The following ACY1 variants were observed in gnomAD, a reference collection of about 807,000 sequenced individuals.
ACY1 encodes aminoacylase-1.
A neutral mutation model predicts 53.3 loss-of-function variants in ACY1; 38 were observed. The ratio of observed to expected loss-of-function variants is 0.71; its 90% CI spans 0.55 to 0.93. The LOEUF is 0.93. ACY1 is among the 40% of genes least tolerant of loss of function. The probability of loss-of-function intolerance (pLI) is 0.00; values close to 1 mark genes in which losing one functional copy is unlikely to be tolerated. For missense variants in ACY1, 484 were observed against 540.9 expected (o/e 0.89, Z 1.04); for synonymous variants, 177 against 202.1 (o/e 0.88, Z 1.05).
At chr3:51,986,197 T>C in intron 5 of ACY1, 58 bp from the exon 6 acceptor site, 1 of 1,568,556 alleles carries the variant, frequency 6.4e-7, no homozygotes, top group Non-Finnish European at 8.7e-7. Flanking sequence ...TGGCCCTGCC[T>C]GTGGGGCCAG....
intron 4 of ACY1, 64 bp from the exon 5 acceptor site, chr3:51,985,788 T>C (rs912750932): frequency 1.6e-5 from 23 of 1,412,362 alleles, no homozygotes; most frequent in Non-Finnish European, 2.2e-5. Context: ...AGGGCCACTG[T>C]TGACCAGAGT....
chr3:51,984,267 C>T, intron 2 of ACY1, 109 bp downstream of exon 2: 2 of 1,012,800 alleles, frequency 2.0e-6, no homozygotes, highest in Non-Finnish European at 3.0e-6. Flanking sequence ...TCTGCTGTCC[C>T]AAATGGCTCC....
rs1162771077 is a variant in ACY1 at position 51,988,830 on chromosome 3, A to G, written c.1062+4A>G. Reference sequence around the variant, plus strand: ...TGACAACCGCTATATCCGCGCGGTGAGCCACTTGCATATAGTGCCTGGGCA... The same window carrying G: ...TGACAACCGCTATATCCGCGCGGTGGGCCACTTGCATATAGTGCCTGGGCA... On this transcript the variant is annotated splice_donor_region_variant and intron_variant, in intron 14 of 14. Transcript: ENST00000636358. 3 of 1,614,036 alleles carry G rather than the reference A, an allele frequency of 1.9e-6. No homozygotes were observed. Among genetic ancestry groups the G allele is most frequent in the Non-Finnish European group, 2.5e-6 (3 of 1,180,040 alleles).
Position 51,985,932 on chromosome 3 carries a change from G to A in ACY1, c.345G>A (p.Lys115=). The stretch of plus-strand genomic sequence containing the variant: ...ATGCCAGGGGTGCCCAGGACATGAA[G>A]TGCGTCAGCATCCAGTGAGTGTCCT... ...YIYARGAQDM[K]CVSIQYLEAV... is the part of the protein sequence containing the mutation. The change falls in exon 5 of 15, where the codon AAG becomes AAA. Residue 115 remains lysine (K), a synonymous_variant. Transcript: ENST00000636358. The A allele has an allele frequency of 6.2e-7, 1 of 1,612,174 alleles. No individual in the cohort carries two copies. Among genetic ancestry groups the A allele is most frequent in the South Asian group, 1.1e-5 (1 of 90,500 alleles).
intron 1 of ACY1, 101 bp downstream of exon 1, chr3:51,983,690 T>G (rs1700961469): frequency 3.4e-6 from 1 of 293,286 alleles, no homozygotes; most frequent in Non-Finnish European, 6.4e-6. Context: ...TTTGTTTTTG[T>G]TTTTGCCTTT....
In ACY1 at chr3:51,984,083, G is replaced by C. The variant is rs953420417; in HGVS notation, c.19G>C (p.Glu7Gln). 6.2e-7 allele frequency: 1 copy of C among 1,613,488 alleles called. No individual in the cohort carries two copies. Among genetic ancestry groups the C allele is most frequent in the Admixed American group, 1.7e-5 (1 of 60,006 alleles). MTSKGPEEEHPSVTLFR... is the reference protein window; with the variant it reads MTSKGPQEEHPSVTLFR... ...CAGCGCCATGACCAGCAAGGGTCCC[G>C]AGGAGGAGCACCCATCGGTGACGCT... The change falls in exon 2 of 15, where the codon GAG becomes CAG. Residue 7 changes from glutamate to glutamine, a missense_variant. Glu to Gln is a conservative substitution (Grantham distance 29, BLOSUM62 2). Transcript: ENST00000636358.
At chr3:51,984,235 CT>C in intron 2 of ACY1, 77 bp downstream of exon 2, 1 of 1,374,400 alleles carries the variant, frequency 7.3e-7, no homozygotes, top group Non-Finnish European at 1.0e-6. Flanking sequence ...CCTCCAACCC[CT>C]GTCACCCAGC....
At position 51,985,779 on chromosome 3, in the gene ACY1, G is replaced by C. The variant is rs552931654; in HGVS notation, c.265-73G>C. 23 of 1,307,388 alleles carry C rather than the reference G, an allele frequency of 1.8e-5. No individual in the cohort carries two copies. In the African/African-American group the frequency reaches 2.3e-4, roughly 13 times the overall value. The allele number at this position is 1,307,388 out of a possible 1,614,324, so 81.0% of individuals were successfully genotyped here. A position where few individuals can be genotyped will look rare whatever the true frequency, so the allele number is the denominator to read the frequency against. On this transcript the variant is annotated intron_variant, in intron 4 of 14. Transcript: ENST00000636358. ...AACCCTATGGTGGGCTCCTAGGGCA[G>C]GGCCACTGTTGACCAGAGTGGATTA... is the stretch of plus-strand genomic sequence containing the variant.
chr3:51,985,055 T>G (rs1460292198), intron 2 of ACY1, 152 bp from the exon 3 acceptor site: 2 of 807,016 alleles, frequency 2.5e-6, no homozygotes, highest in Non-Finnish European at 4.2e-6. Context: ...ATCTTCTTTC[T>G]TGGGGATGGA....
intron 11 of ACY1, 42 bp from the exon 12 acceptor site, chr3:51,987,514 C>T: frequency 1.2e-6 from 2 of 1,613,990 alleles, no homozygotes; most frequent in Non-Finnish European, 1.7e-6. Context: ...TCCTAGAGGC[C>T]TCTGGAAAGC....
At chr3:51,987,788 G>GTGGCCAC (rs1199698530) in intron 12 of ACY1, 164 bp downstream of exon 12, 1 of 765,102 alleles carries the variant, frequency 1.3e-6, no homozygotes, top group African/African-American at 1.7e-5. Context: ...GCCACTGTGG[G>GTGGCCAC]TGCTGGGGAA....
At chr3:51,987,760 C>T in intron 12 of ACY1, 136 bp downstream of exon 12, 1 of 1,006,796 alleles carries the variant, frequency 9.9e-7, no homozygotes, top group Non-Finnish European at 1.5e-6. Context: ...TTTATTCCAA[C>T]AAGCATTCAT....
Position 51,987,062 on chromosome 3 carries a change from G to C in ACY1, c.657+1G>C, listed in dbSNP as rs1202365870. The stretch of plus-strand genomic sequence containing the variant: ...GGAGGACACAGCAGCAGAGAAGCTG[G>C]TACGTGGCACCCCAGGAGGGAGTCT... On this transcript the variant is annotated splice_donor_variant, in intron 9 of 14. Coordinates refer to ENST00000636358, the MANE Select transcript of ACY1 (RefSeq NM_000666.3). LOFTEE classifies it high-confidence loss of function. 2.5e-6 allele frequency: 4 copies of C among 1,614,004 alleles called. No homozygotes were observed. The highest frequency in any genetic ancestry group is 2.2e-5 in the South Asian group (2 of 91,078).
chr3:51,988,644 ACTC>A (rs1242860488), intron 13 of ACY1, 41 bp downstream of exon 13: 5 of 1,016,656 alleles, frequency 4.9e-6, no homozygotes, highest in Non-Finnish European at 5.7e-6. Flanking sequence ...CCAGCCCCCT[ACTC>A]CTCTCCTTCC....
At chr3:51,983,781 C>G (rs1700965265) in intron 1 of ACY1, among the ~76,000 whole-genome samples, 192 bp downstream of exon 1, 1 of 151,798 alleles carries the variant, frequency 6.6e-6, no homozygotes, top group African/African-American at 2.4e-5. Flanking sequence ...CCTTGAACCT[C>G]TCTGAGCCTC....
In ACY1 at chr3:51,985,198, T is replaced by A. The variant is rs754758246; in HGVS notation, c.95-9T>A. On this transcript the variant is annotated splice_polypyrimidine_tract_variant and intron_variant, in intron 2 of 14. Coordinates refer to ENST00000636358, the MANE Select transcript of ACY1 (RefSeq NM_000666.3). ...GCAGAAGCAGCCCCAAGACACTCTG[T>A]GCCTCCAGGAGCTGCTGTGGCTTTC... The A allele has an allele frequency of 1.9e-6, 3 of 1,600,746 alleles. No homozygotes were observed. The highest frequency in any genetic ancestry group is 3.4e-5 in the Admixed American group (2 of 58,100).
In ACY1 at chr3:51,988,761, T is replaced by C; in HGVS notation, c.1002-5T>C. 1 of 1,614,026 alleles carries C rather than the reference T, an allele frequency of 6.2e-7. No individual in the cohort carries two copies. ...TCCCCATTCATCAGGCTCTTTCTCCTACAGGAACCTCACTCTGGAGCCTGA... is the reference window on the plus strand; with the variant it reads ...TCCCCATTCATCAGGCTCTTTCTCCCACAGGAACCTCACTCTGGAGCCTGA... On this transcript the variant is annotated splice_region_variant and splice_polypyrimidine_tract_variant and intron_variant, in intron 13 of 14. Coordinates refer to ENST00000636358, the MANE Select transcript of ACY1 (RefSeq NM_000666.3).
At position 51,989,029 on chromosome 3, in the gene ACY1, T is replaced by A; in HGVS notation, c.1181T>A (p.Leu394Gln). ...FLRGVDIYTRLLPALASVPAL... is the reference protein window; with the variant it reads ...FLRGVDIYTRQLPALASVPAL... ...CGTGGGGTGGACATATATACACGCC[T>A]GCTGCCTGCCCTTGCCAGTGTGCCT... The change falls in exon 15 of 15, where the codon CTG becomes CAG. Residue 394 changes from leucine to glutamine, a missense_variant. Coordinates refer to ENST00000636358, the MANE Select transcript of ACY1 (RefSeq NM_000666.3). 6.2e-7 allele frequency: 1 copy of A among 1,614,132 alleles called. No homozygotes were observed. The highest frequency in any genetic ancestry group is 8.5e-7 in the Non-Finnish European group (1 of 1,180,046).
rs1700956808 is a variant in ACY1, at chr3:51,983,554, G to A, written c.-54G>A. On this transcript the variant is annotated 5_prime_UTR_variant, in exon 1 of 15. Coordinates refer to ENST00000636358, the MANE Select transcript of ACY1 (RefSeq NM_000666.3). The stretch of plus-strand genomic sequence containing the variant: ...CAGGCCACAGTCAGGGAAGGGCGCT[G>A]AGAGGCGAGCGTGAGCCCAGCGACA... 4.9e-6 allele frequency: 1 copy of A among 202,832 alleles called. No homozygotes were observed. Among genetic ancestry groups the A allele is most frequent in the African/African-American group, 2.4e-5 (1 of 42,330 alleles). The allele number at this position is 202,832 out of a possible 1,614,324, so 12.6% of individuals were successfully genotyped here. A position where few individuals can be genotyped will look rare whatever the true frequency, so the allele number is the denominator to read the frequency against.
Sources: allele counts gnomAD v4.1 joint callset (sites outside exome capture counted in the v4.1 genomes callset), GRCh38; gene constraint gnomAD v4.1.1; transcripts MANE v1.5; gene names NCBI Gene and HGNC (gene_info 2026-07-23, HGNC 2026-07-21).